The following C1orf105 variants were observed in gnomAD, a reference collection of about 807,000 sequenced individuals.
The protein encoded by C1orf105 is chromosome 1 open reading frame 105.
Under a neutral mutation model 20.8 loss-of-function variants are expected in C1orf105, and 17 were observed. That is an observed-to-expected ratio of 0.82 (90% CI 0.56 to 1.23). C1orf105 has a LOEUF of 1.23. Ranked by LOEUF, C1orf105 falls within the 50% of genes most tolerant of loss-of-function variation. The pLI is 0.00. For synonymous variants in C1orf105, 72 were observed against 72.1 expected, an observed-to-expected ratio of 1.00 and a Z score of 0.01; for missense variants, 219 against 213.5, an observed-to-expected ratio of 1.03 and a Z score of -0.16.
chr1:172,449,968 C>G (rs1648432750), intron 3 of C1orf105, among the ~76,000 whole-genome samples: 1 of 152,226 alleles, frequency 6.6e-6, no homozygotes, highest in African/African-American at 2.4e-5. Context: ...CACTAGGACA[C>G]CAGGCCCCAG....
intron 1 of C1orf105, among the ~76,000 whole-genome samples, chr1:172,438,805 T>G (rs2072124389): frequency 6.6e-6 from 1 of 152,172 alleles, no homozygotes; most frequent in Admixed American, 6.5e-5. Context: ...ATTATTGTCT[T>G]ATTTCATGAA....
At chr1:172,434,679 C>T (rs1251900542) in intron 1 of C1orf105, among the ~76,000 whole-genome samples, 1 of 152,100 alleles carries the variant, frequency 6.6e-6, no homozygotes, top group East Asian at 1.9e-4. Context: ...ACTCTAACAT[C>T]ACAATTAAAA....
chr1:172,461,736 T>C (rs371261153), intron 4 of C1orf105, among the ~76,000 whole-genome samples: 17 of 152,300 alleles, frequency 1.1e-4, no homozygotes, highest in East Asian at 5.8e-4. Flanking sequence ...GTCTATGCCC[T>C]CATGAAGCTG....
chr1:172,451,432 T>A (rs1391704399), intron 3 of C1orf105, among the ~76,000 whole-genome samples: 1 of 152,244 alleles, frequency 6.6e-6, no homozygotes, highest in Non-Finnish European at 1.5e-5. Flanking sequence ...GGATGTTTAC[T>A]TTCTATTTTC....
rs567367473 is a variant in C1orf105, at chr1:172,429,644, T to A, written c.21+8738T>A. Among the ~76,000 whole-genome samples the A allele has an allele frequency of 4.6e-5, 7 of 152,336 alleles. No individual in the cohort carries two copies. In the East Asian group the frequency reaches 1.4e-3, roughly 29 times the overall value. On this transcript the variant is annotated intron_variant, in intron 1 of 6. Coordinates refer to ENST00000367727, the MANE Select transcript of C1orf105 (RefSeq NM_139240.4). ...GTAAATGATGGCTCAATATGCATCCTCTATATGCTTGGTATGAATTATTAA... is the reference window on the plus strand; with the variant it reads ...GTAAATGATGGCTCAATATGCATCCACTATATGCTTGGTATGAATTATTAA...
chr1:172,427,488 G>A (rs1397470534), intron 1 of C1orf105, among the ~76,000 whole-genome samples: 2 of 152,008 alleles, frequency 1.3e-5, no homozygotes, highest in African/African-American at 4.8e-5. Flanking sequence ...GCTCCCCTTT[G>A]AAGCAAAACT....
In C1orf105 at chr1:172,455,067, T is replaced by C. The variant is rs113134198; in HGVS notation, c.199-1348T>C. Among the ~76,000 whole-genome samples the C allele has an allele frequency of 2.4e-4, 37 of 152,326 alleles. 1 individual carries two copies. Among genetic ancestry groups the C allele is most frequent in the African/African-American group, 7.9e-4 (33 of 41,570 alleles). ...TTTACTGTTGAATGAATGAATCTAG[T>C]TATTCACACACATACTTTGACATAC... On this transcript the variant is annotated intron_variant, in intron 3 of 6. Coordinates refer to ENST00000367727, the MANE Select transcript of C1orf105 (RefSeq NM_139240.4).
intron 4 of C1orf105, among the ~76,000 whole-genome samples, chr1:172,460,823 A>G (rs1393376405): frequency 6.6e-6 from 1 of 152,202 alleles, no homozygotes; most frequent in Non-Finnish European, 1.5e-5. Flanking sequence ...AAGACTATTC[A>G]GGGTTTTCAA....
At chr1:172,453,333 T>A in intron 3 of C1orf105, 1 of 1,084,488 alleles carries the variant, frequency 9.2e-7, no homozygotes, top group Non-Finnish European at 1.3e-6. Context: ...TTTATATGAT[T>A]GACAAAAGTC....
chr1:172,426,154 C>T (rs1357953031), intron 1 of C1orf105, among the ~76,000 whole-genome samples: 1 of 152,132 alleles, frequency 6.6e-6, no homozygotes, highest in Non-Finnish European at 1.5e-5. Context: ...ATATGCACTT[C>T]ACAATCTTAC....
At chr1:172,436,020 A>C (rs559442782) in intron 1 of C1orf105, among the ~76,000 whole-genome samples, 1 of 152,214 alleles carries the variant, frequency 6.6e-6, no homozygotes, top group Non-Finnish European at 1.5e-5. Flanking sequence ...ACACCTAGGA[A>C]TCCAACTTAC....
At chr1:172,452,716 G>C (rs934954393) in intron 3 of C1orf105, 1 of 924,762 alleles carries the variant, frequency 1.1e-6, no homozygotes, top group African/African-American at 1.8e-5. Context: ...GGCTTCTGGG[G>C]ACTGGCTGAA....
At chr1:172,434,075 C>A (rs2071958834) in intron 1 of C1orf105, among the ~76,000 whole-genome samples, 1 of 152,086 alleles carries the variant, frequency 6.6e-6, no homozygotes, top group Admixed American at 6.5e-5. Flanking sequence ...ATATATGCAC[C>A]CAATAAAGGA....
intron 1 of C1orf105, among the ~76,000 whole-genome samples, chr1:172,425,234 G>A (rs1321485784): frequency 6.6e-6 from 1 of 152,116 alleles, no homozygotes; most frequent in Non-Finnish European, 1.5e-5. Flanking sequence ...TTACCTGATG[G>A]GCATAAGGAG....
rs542857163 is a variant in C1orf105 at position 172,424,968 on chromosome 1, G to T, written c.21+4062G>T. Reference sequence around the variant, plus strand: ...GAGTGGCAAGCAGTGAGCCAACAGAGCTTGTAAAGTAGAAGCAGCTCCTCT... The same window carrying T: ...GAGTGGCAAGCAGTGAGCCAACAGATCTTGTAAAGTAGAAGCAGCTCCTCT... On this transcript the variant is annotated intron_variant, in intron 1 of 6. Transcript: ENST00000367727. 4.6e-5 allele frequency among the ~76,000 whole-genome samples: 7 copies of T among 152,346 alleles called. No individual in the cohort carries two copies. In the East Asian group the frequency reaches 1.4e-3, roughly 29 times the overall value.
At chr1:172,431,300 T>C (rs2071867005) in intron 1 of C1orf105, 2 of 424,878 alleles carry the variant, frequency 4.7e-6, no homozygotes, top group Non-Finnish European at 8.3e-6. Context: ...GGTACTCCCA[T>C]GATAAGAAAC....
Position 172,427,730 on chromosome 1 carries a change from T to G in C1orf105, c.21+6824T>G, listed in dbSNP as rs570281042. Reference sequence around the variant, plus strand: ...GCAGGACACAGAATTCTCTTGCTTTTCCCTTGCCTCAGTGGTTTTGCTGTC... The same window carrying G: ...GCAGGACACAGAATTCTCTTGCTTTGCCCTTGCCTCAGTGGTTTTGCTGTC... On this transcript the variant is annotated intron_variant, in intron 1 of 6. Coordinates refer to ENST00000367727, the MANE Select transcript of C1orf105 (RefSeq NM_139240.4). Among the ~76,000 whole-genome samples, 526 of 152,300 alleles carry G rather than the reference T, an allele frequency of 3.5e-3. 2 individuals carry two copies. The highest frequency in any genetic ancestry group is 0.012 in the African/African-American group (499 of 41,552).
intron 1 of C1orf105, among the ~76,000 whole-genome samples, chr1:172,428,206 C>T (rs552762674): frequency 7.9e-5 from 12 of 152,156 alleles, no homozygotes; most frequent in African/African-American, 2.9e-4. Flanking sequence ...GACTATTTTC[C>T]GCCACTTCCT....
chr1:172,433,134 C>T (rs1176387285), intron 1 of C1orf105, among the ~76,000 whole-genome samples: 3 of 152,184 alleles, frequency 2.0e-5, no homozygotes, highest in East Asian at 3.8e-4. Flanking sequence ...ACCAAATCTA[C>T]GTTTGATTGG....
Sources: allele counts gnomAD v4.1 joint callset (sites outside exome capture counted in the v4.1 genomes callset), GRCh38; gene constraint gnomAD v4.1.1; transcripts MANE v1.5; gene names NCBI Gene and HGNC (gene_info 2026-07-23, HGNC 2026-07-21).